OPCML: variants seen among roughly 807,000 people sequenced by gnomAD.
The protein encoded by OPCML is opioid binding protein/cell adhesion molecule like.
OPCML carries 13 observed loss-of-function variants against 37.8 expected under a neutral mutation model. The observed-to-expected ratio is 0.34, with a 90% CI of 0.22 to 0.55. The LOEUF is 0.55. OPCML is among the 20% of genes least tolerant of loss of function. The pLI is 0.91. For missense variants in OPCML, 341 were observed against 435.6 expected (o/e 0.78, Z 1.93); for synonymous variants, 176 against 168.8 (o/e 1.04, Z -0.33).
In OPCML at chr11:133,373,424, AAT is replaced by A. The variant is rs57417327; in HGVS notation, c.61+158838_61+158839del. Among the ~76,000 whole-genome samples, 52 of 117,730 alleles carry A rather than the reference AAT, an allele frequency of 4.4e-4. 1 individual carries two copies. The highest frequency in any genetic ancestry group is 1.0e-3 in the South Asian group (4 of 3,824). The allele number at this position is 117,730 out of a possible 152,430, so 77.2% of individuals were successfully genotyped here. On this transcript the variant is annotated intron_variant, in intron 1 of 7. Transcript: ENST00000524381. ...CTAAAAAAGTTAATTACTTAATTAA[AAT>A]ATATATATATATATATATATATACA... is the stretch of plus-strand genomic sequence containing the variant.
At chr11:133,111,348 C>T (rs1949250854) in intron 1 of OPCML, among the ~76,000 whole-genome samples, 1 of 152,152 alleles carries the variant, frequency 6.6e-6, no homozygotes, top group African/African-American at 2.4e-5. Flanking sequence ...ACACAAGTGT[C>T]CCTGGGCAAA....
chr11:133,528,816 A>G (rs1948543759), intron 1 of OPCML, among the ~76,000 whole-genome samples: 1 of 152,226 alleles, frequency 6.6e-6, no homozygotes, highest in Admixed American at 6.5e-5. Flanking sequence ...GACCCCTCCC[A>G]GCTAACTCCC....
At chr11:133,156,499 T>A (rs1181682411) in intron 1 of OPCML, among the ~76,000 whole-genome samples, 2 of 152,200 alleles carry the variant, frequency 1.3e-5, no homozygotes, top group African/African-American at 4.8e-5. Flanking sequence ...ATTCCAGTCA[T>A]CTCTATTTGC....
intron 1 of OPCML, among the ~76,000 whole-genome samples, chr11:133,059,927 T>C (rs996746784): frequency 1.3e-5 from 2 of 152,154 alleles, no homozygotes; most frequent in Non-Finnish European, 2.9e-5. Flanking sequence ...AGAATAGAAT[T>C]TTGGAAAACT....
At chr11:133,158,568 C>A (rs1057400454) in intron 1 of OPCML, among the ~76,000 whole-genome samples, 1 of 151,656 alleles carries the variant, frequency 6.6e-6, no homozygotes. Context: ...GGCATGGTGG[C>A]GGGCGCCTGT....
intron 1 of OPCML, among the ~76,000 whole-genome samples, chr11:133,476,844 T>C (rs1217256794): frequency 2.0e-5 from 3 of 152,052 alleles, no homozygotes; most frequent in Non-Finnish European, 2.9e-5. Flanking sequence ...GAAATCAGAG[T>C]ATAAAACCTC....
intron 1 of OPCML, among the ~76,000 whole-genome samples, chr11:133,346,878 T>C (rs746554007): frequency 1.3e-5 from 2 of 152,194 alleles, no homozygotes; most frequent in Non-Finnish European, 2.9e-5. Flanking sequence ...GTGTGAGTTT[T>C]TTGTTGTTTT....
chr11:133,491,700 C>T (rs1411598965), intron 1 of OPCML, among the ~76,000 whole-genome samples: 1 of 152,116 alleles, frequency 6.6e-6, no homozygotes, highest in Non-Finnish European at 1.5e-5. Context: ...CTCGTTGATC[C>T]CTTTCTATAG....
At chr11:132,626,225 G>C (rs1939729922) in intron 3 of OPCML, among the ~76,000 whole-genome samples, 1 of 151,720 alleles carries the variant, frequency 6.6e-6, no homozygotes, top group African/African-American at 2.4e-5. Context: ...ACATTTTACA[G>C]AAGGACTGAC....
At chr11:133,035,441 A>T (rs1405948793) in intron 1 of OPCML, among the ~76,000 whole-genome samples, 1 of 152,242 alleles carries the variant, frequency 6.6e-6, no homozygotes, top group Non-Finnish European at 1.5e-5. Context: ...GAAAATGGAC[A>T]TCAAGACTCC....
intron 3 of OPCML, among the ~76,000 whole-genome samples, chr11:132,546,308 G>T (rs768912421): frequency 6.6e-6 from 1 of 151,892 alleles, no homozygotes; most frequent in Non-Finnish European, 1.5e-5. Flanking sequence ...CATAGGTTTT[G>T]GGGGGGAACA....
chr11:132,434,225 C>T (rs929871977), intron 7 of OPCML, among the ~76,000 whole-genome samples: 2 of 152,194 alleles, frequency 1.3e-5, no homozygotes, highest in African/African-American at 4.8e-5. Context: ...CAGCACTATA[C>T]ATCTGTGAGT....
chr11:133,031,200 T>A (rs1947662012), intron 1 of OPCML, among the ~76,000 whole-genome samples: 1 of 152,086 alleles, frequency 6.6e-6, no homozygotes, highest in African/African-American at 2.4e-5. Context: ...AATGAATGGA[T>A]GGGTGGGTGG....
chr11:132,553,573 A>G (rs1490147570), intron 3 of OPCML, among the ~76,000 whole-genome samples: 1 of 152,202 alleles, frequency 6.6e-6, no homozygotes, highest in Non-Finnish European at 1.5e-5. Flanking sequence ...TTCTCTTTAA[A>G]ATAGGATAAG....
intron 2 of OPCML, among the ~76,000 whole-genome samples, chr11:132,734,595 C>A (rs192805671): frequency 6.6e-6 from 1 of 152,288 alleles, no homozygotes; most frequent in Admixed American, 6.5e-5. Context: ...AAACTCAAGC[C>A]TGAAACACTT....
rs1949941880 is a variant in OPCML, at chr11:133,149,344, G to T, written c.62-206334C>A. On this transcript the variant is annotated intron_variant, in intron 1 of 7. Coordinates refer to ENST00000524381, the MANE Select transcript of OPCML (RefSeq NM_001012393.5). Reference sequence around the variant, plus strand: ...GGAAATCTTCCAATTTGACATTGTAGTATATCACCCATATATTTCCCCCTG... The same window carrying T: ...GGAAATCTTCCAATTTGACATTGTATTATATCACCCATATATTTCCCCCTG... Among the ~76,000 whole-genome samples the T allele has an allele frequency of 2.0e-5, 3 of 152,296 alleles. No individual in the cohort carries two copies. The South Asian group carries it at 6.2e-4, about 32-fold the overall frequency.
chr11:132,758,993 G>T (rs956244785), intron 2 of OPCML, among the ~76,000 whole-genome samples: 2 of 152,112 alleles, frequency 1.3e-5, no homozygotes, highest in Non-Finnish European at 2.9e-5. Flanking sequence ...CTAGTTTATT[G>T]AGTGTTTTTA....
intron 1 of OPCML, among the ~76,000 whole-genome samples, chr11:133,129,446 C>T (rs535665225): frequency 6.6e-6 from 1 of 152,266 alleles, no homozygotes; most frequent in South Asian, 2.1e-4. Flanking sequence ...TTCTGCCTAA[C>T]ACATTTCAGA....
At chr11:133,458,832 T>TAC (rs1319006482) in intron 1 of OPCML, among the ~76,000 whole-genome samples, 2 of 150,356 alleles carry the variant, frequency 1.3e-5, no homozygotes, top group African/African-American at 2.5e-5. Flanking sequence ...CGTGTGTGTG[T>TAC]ATATACACAT....
Sources: gnomAD v4.1 joint callset for allele counts (sites outside exome capture counted in the v4.1 genomes callset) on GRCh38, gnomAD v4.1.1 for gene constraint, MANE v1.5 for transcripts, NCBI Gene and HGNC (gene_info 2026-07-23, HGNC 2026-07-21) for gene names.